The following ALDH4A1 variants were observed in gnomAD, a reference collection of about 807,000 sequenced individuals.
ALDH4A1 encodes the protein aldehyde dehydrogenase 4 family member A1, also known as delta-1-pyrroline-5-carboxylate dehydrogenase, mitochondrial.
Under a neutral mutation model 70.5 loss-of-function variants are expected in ALDH4A1, and 46 were observed. That is an observed-to-expected ratio of 0.65 (90% CI 0.51 to 0.83). ALDH4A1 has a LOEUF of 0.83. Ranked by LOEUF, ALDH4A1 falls within the 40% of genes least tolerant of loss-of-function variation. ALDH4A1 has a pLI of 0.00. For missense variants in ALDH4A1, 749 were observed against 766.5 expected (o/e 0.98, Z 0.27); for synonymous variants, 323 against 324.3 (o/e 1.00, Z 0.04).
intron 3 of ALDH4A1, among the ~76,000 whole-genome samples, chr1:18,889,052 C>T (rs1396197297): frequency 1.3e-5 from 2 of 152,190 alleles, no homozygotes; most frequent in Non-Finnish European, 2.9e-5. Context: ...GGGCCCGGGG[C>T]CCAGCTTTTT....
At chr1:18,885,441 G>GCCCCCCCCCCCCCCCC in intron 5 of ALDH4A1, 32 bp downstream of exon 5, 2 of 423,746 alleles carry the variant, frequency 4.7e-6, no homozygotes, top group Non-Finnish European at 3.8e-6. Context: ...ACCCCACCCC[G>GCCCCCCCCCCCCCCCC]CCCCACCCAC....
chr1:18,879,876 C>T (rs1325518163), intron 8 of ALDH4A1, among the ~76,000 whole-genome samples: 5 of 152,176 alleles, frequency 3.3e-5, no homozygotes, highest in Admixed American at 6.5e-5. Context: ...AGGCCCCGCC[C>T]GAAGCCACCA....
chr1:18,874,214 G>A (rs1310634657), intron 14 of ALDH4A1, among the ~76,000 whole-genome samples: 2 of 152,216 alleles, frequency 1.3e-5, no homozygotes, highest in Non-Finnish European at 2.9e-5. Flanking sequence ...TGCGGCTGCT[G>A]GAGCCAAAAT....
At chr1:18,881,612 G>A in intron 8 of ALDH4A1, 88 bp downstream of exon 8, 1 of 1,467,492 alleles carries the variant, frequency 6.8e-7, no homozygotes, top group Non-Finnish European at 9.5e-7. Context: ...ATGACCCCTG[G>A]GTTCACAGCC....
chr1:18,885,592 C>G lies in ALDH4A1; in HGVS notation c.334G>C (p.Ala112Pro). ...LNKAIEAALA[A>P]RKEWDLKPIA... Reference sequence around the variant, plus strand: ...GGCTTCAGGTCCCACTCTTTCCGGGCAGCCAGGGCAGCCTCAATGGCTTTG... The same window carrying G: ...GGCTTCAGGTCCCACTCTTTCCGGGGAGCCAGGGCAGCCTCAATGGCTTTG... Residue 112 changes from alanine to proline, a missense_variant, in exon 5 of 15, where the codon GCC becomes CCC. Physicochemically the swap from Ala to Pro is conservative, Grantham distance 27. Coordinates refer to ENST00000375341, the MANE Select transcript of ALDH4A1 (RefSeq NM_003748.4). 2 of 1,613,976 alleles carry G rather than the reference C, an allele frequency of 1.2e-6. No homozygotes were observed. Among genetic ancestry groups the G allele is most frequent in the Non-Finnish European group, 1.7e-6 (2 of 1,179,988 alleles).
At position 18,877,618 on chromosome 1, in the gene ALDH4A1, G is replaced by A. The variant is rs887115410; in HGVS notation, c.941-6C>T. ...GAAGTTCTTTCCGCCGCACTCTACA[G>A]GGGTCGGGGGTGGGGAAATGACCAG... is the stretch of plus-strand genomic sequence containing the variant. On this transcript the variant is annotated splice_polypyrimidine_tract_variant and splice_region_variant and intron_variant, in intron 9 of 14. Transcript: ENST00000375341. 2.7e-6 allele frequency: 2 copies of A among 740,934 alleles called. No individual in the cohort carries two copies. The highest frequency in any genetic ancestry group is 4.6e-6 in the Non-Finnish European group (2 of 432,976). 45.9% of individuals were successfully genotyped at this position (740,934 alleles called of 1,614,324 possible).
At chr1:18,874,742 G>C (rs1477509545) in intron 13 of ALDH4A1, among the ~76,000 whole-genome samples, 161 bp from the exon 14 acceptor site, 3 of 152,226 alleles carry the variant, frequency 2.0e-5, no homozygotes, top group Non-Finnish European at 2.9e-5. Context: ...GTGGGCCTTC[G>C]GTCAGGTTAC....
At position 18,877,627 on chromosome 1, in the gene ALDH4A1, G is replaced by A. The variant is rs1304367557; in HGVS notation, c.941-15C>T. The A allele has an allele frequency of 2.8e-6, 2 of 707,208 alleles. No individual in the cohort carries two copies. Among genetic ancestry groups the A allele is most frequent in the Non-Finnish European group, 5.0e-6 (2 of 403,812 alleles). The allele number at this position is 707,208 out of a possible 1,614,324, so 43.8% of individuals were successfully genotyped here. ...TCCGCCGCACTCTACAGGGGTCGGG[G>A]GTGGGGAAATGACCAGAGGAGCTGG... On this transcript the variant is annotated splice_polypyrimidine_tract_variant and intron_variant, in intron 9 of 14. Transcript: ENST00000375341.
intron 1 of ALDH4A1, among the ~76,000 whole-genome samples, chr1:18,896,443 G>A (rs1053880695): frequency 5.3e-5 from 8 of 152,212 alleles, no homozygotes; most frequent in Non-Finnish European, 1.2e-4. Flanking sequence ...GACAAGGAGA[G>A]GAGAAATAGA....
rs72936438 is a variant in ALDH4A1 at position 18,884,674 on chromosome 1, T to C, written c.453+799A>G. ...GACATGTTTACTATGTCCAAAAAGCTTGTAAAGGGGCAGTACCTAGGAACT... is the reference window on the plus strand; with the variant it reads ...GACATGTTTACTATGTCCAAAAAGCCTGTAAAGGGGCAGTACCTAGGAACT... On this transcript the variant is annotated intron_variant, in intron 5 of 14. Coordinates refer to ENST00000375341, the MANE Select transcript of ALDH4A1 (RefSeq NM_003748.4). Among the ~76,000 whole-genome samples, 377 of 152,094 alleles carry C rather than the reference T, an allele frequency of 2.5e-3. 1 individual carries two copies. The highest frequency in any genetic ancestry group is 8.8e-3 in the African/African-American group (365 of 41,472).
chr1:18,895,787 T>C (rs1935597058), intron 1 of ALDH4A1, among the ~76,000 whole-genome samples: 1 of 152,116 alleles, frequency 6.6e-6, no homozygotes, highest in Admixed American at 6.5e-5. Flanking sequence ...TCGTCCGAGG[T>C]ACTAGTCACT....
chr1:18,875,405 C>T lies in ALDH4A1; in HGVS notation c.1437G>A (p.Thr479=), dbSNP rs771089032. The change falls in exon 13 of 15, where the codon ACG becomes ACA. Residue 479 remains threonine, a synonymous_variant. Transcript: ENST00000375341. The part of the protein sequence containing the change: ...LVDSTTSYGL[T]GAVFSQDKDV... ...ACTTATCCTGGGAGAACACTGCCCCCGTGAGGCCATAGCTGGTGGTGCTGT... is the reference window on the plus strand; with the variant it reads ...ACTTATCCTGGGAGAACACTGCCCCTGTGAGGCCATAGCTGGTGGTGCTGT... 1.3e-4 allele frequency: 209 copies of T among 1,614,038 alleles called. 1 individual carries two copies. Among genetic ancestry groups the T allele is most frequent in the Non-Finnish European group, 1.7e-4 (204 of 1,180,012 alleles).
In ALDH4A1 at chr1:18,881,793, A is replaced by ATGT. The variant is rs760900019; in HGVS notation, c.770_772dup (p.Asn257dup). ...CCCATCAGCTGGCACAAACTGGATG[A>ATGT]TGTTGGGGGGCAGGCCAGCCTCCCG... On this transcript the variant is annotated inframe_insertion, in exon 8 of 15. Transcript: ENST00000375341. 6.2e-7 allele frequency: 1 copy of ATGT among 1,614,022 alleles called. No individual in the cohort carries two copies.
intron 1 of ALDH4A1, chr1:18,890,723 GCAAAA>G: frequency 3.0e-6 from 3 of 985,582 alleles, no homozygotes; most frequent in Non-Finnish European, 3.6e-6. Context: ...ACACACAGAT[GCAAAA>G]CCACGTTGAA....
chr1:18,876,179 C>G, intron 12 of ALDH4A1, 136 bp downstream of exon 12: 1 of 1,194,826 alleles, frequency 8.4e-7, no homozygotes, highest in African/African-American at 1.5e-5. Context: ...CTCTCCCGGT[C>G]GGAGGCATTC....
At chr1:18,885,443 C>T in intron 5 of ALDH4A1, 30 bp downstream of exon 5, 1 of 803,764 alleles carries the variant, frequency 1.2e-6, no homozygotes, top group Non-Finnish European at 2.0e-6. Flanking sequence ...CCCACCCCGC[C>T]CCACCCACCC....
chr1:18,877,090 G>T (rs1160846508), intron 11 of ALDH4A1, 118 bp downstream of exon 11: 6 of 1,315,954 alleles, frequency 4.6e-6, no homozygotes, highest in Non-Finnish European at 6.4e-6. Context: ...GAGCTGCCTT[G>T]ATCAAAGCAG....
intron 1 of ALDH4A1, among the ~76,000 whole-genome samples, chr1:18,892,196 C>T (rs535609123): frequency 1.3e-5 from 2 of 152,022 alleles, no homozygotes; most frequent in African/African-American, 4.8e-5. Context: ...GGCTCAAAGA[C>T]CCAGCCTGGG....
At chr1:18,879,247 C>A in intron 9 of ALDH4A1, 53 bp downstream of exon 9, 1 of 1,521,934 alleles carries the variant, frequency 6.6e-7, no homozygotes, top group South Asian at 1.2e-5. Flanking sequence ...TCATAATGGC[C>A]AGGGGAGGGG....
Sources: gnomAD v4.1 joint callset for allele counts (sites outside exome capture counted in the v4.1 genomes callset) on GRCh38, gnomAD v4.1.1 for gene constraint, MANE v1.5 for transcripts, NCBI Gene and HGNC (gene_info 2026-07-23, HGNC 2026-07-21) for gene names.